RBM17: variants seen among roughly 807,000 people sequenced by gnomAD.
RBM17 encodes splicing factor 45.
A neutral mutation model predicts 53.2 loss-of-function variants in RBM17; 7 were observed. The observed-to-expected ratio is 0.13, with a 90% CI of 0.07 to 0.25. RBM17 has a LOEUF of 0.25. Ranked by LOEUF, RBM17 falls within the 10% of genes least tolerant of loss-of-function variation. The pLI, the probability that RBM17 is intolerant of heterozygous loss-of-function variation, is 1.00. For missense variants in RBM17, 257 were observed against 496.7 expected (o/e 0.52, Z 4.59); for synonymous variants, 167 against 178.1 (o/e 0.94, Z 0.50).
chr10:6,093,199 C>T (rs1208158683), intron 1 of RBM17, among the ~76,000 whole-genome samples: 1 of 152,118 alleles, frequency 6.6e-6, no homozygotes, highest in Non-Finnish European at 1.5e-5. Context: ...CCCAGTGCTG[C>T]CTCTTTGCCT....
rs569161504 is a variant in RBM17, at chr10:6,112,352, A to G, written c.847A>G (p.Thr283Ala). 5.1e-5 allele frequency: 82 copies of G among 1,613,966 alleles called. No individual in the cohort carries two copies. The highest frequency in any genetic ancestry group is 1.6e-4 in the Middle Eastern group (1 of 6,062). The change falls in exon 8 of 12, where the codon ACA (threonine) becomes GCA (alanine). Residue 283 changes from threonine (T) to alanine (A), a missense_variant. Physicochemically the swap from Thr to Ala is moderately conservative, Grantham distance 58. Coordinates refer to ENST00000379888, the MANE Select transcript of RBM17 (RefSeq NM_032905.5). The surrounding 1 kb of genome is among the most constrained non-coding windows in gnomAD (Gnocchi z 4.4). ...CGGCAAGATCATCGTGGGCGACGCC[A>G]CAGAGAAAGGTGTGTCCCCAGGGAA... Reference protein sequence around the residue: ...RGGKIIVGDATEKDASKKSDS... With the variant: ...RGGKIIVGDAAEKDASKKSDS...
intron 7 of RBM17, among the ~76,000 whole-genome samples, chr10:6,111,880 A>AC: frequency 6.6e-6 from 1 of 152,362 alleles, no homozygotes; most frequent in East Asian, 1.9e-4. Flanking sequence ...AACTGTGGTC[A>AC]TAAGCTATGT....
intron 5 of RBM17, 49 bp downstream of exon 5, chr10:6,106,287 C>A: frequency 1.7e-6 from 2 of 1,201,464 alleles, no homozygotes; most frequent in Non-Finnish European, 2.5e-6. Flanking sequence ...ACTGGAAGTG[C>A]AATTCCACTA....
Position 6,110,061 on chromosome 10 carries a change from T to C in RBM17, c.638T>C (p.Val213Ala). The C allele has an allele frequency of 6.2e-7, 1 of 1,613,478 alleles. No homozygotes were observed. Among genetic ancestry groups the C allele is most frequent in the South Asian group, 1.1e-5 (1 of 90,998 alleles). ...TCCAAAGCAGCCATTCCTCCCCCAGTGTACGAGGAACAAGACAGACCGAGA... is the reference window on the plus strand; with the variant it reads ...TCCAAAGCAGCCATTCCTCCCCCAGCGTACGAGGAACAAGACAGACCGAGA... ...QSSKAAIPPP[V>A]YEEQDRPRSP... is the part of the protein sequence containing the mutation. Residue 213 changes from valine (V) to alanine (A), a missense_variant, in exon 7 of 12, where the codon GTG becomes GCG. Val to Ala is a moderately conservative substitution (Grantham distance 64). Around this residue, in one of 6 missense-constraint regions of RBM17, gnomAD observed 68 missense variants for 60.0 expected, o/e 1.13. Coordinates refer to ENST00000379888, the MANE Select transcript of RBM17 (RefSeq NM_032905.5).
rs546368048 is a variant in RBM17 at position 6,114,876 on chromosome 10, T to G, written c.1030-363T>G. 3.3e-5 allele frequency: 7 copies of G among 211,020 alleles called. 1 individual carries two copies. The South Asian group carries it at 6.9e-4, about 21-fold the overall frequency. 13.1% of individuals were successfully genotyped at this position (211,020 alleles called of 1,614,324 possible). On this transcript the variant is annotated intron_variant, in intron 10 of 11. Transcript: ENST00000379888. ...GAGCTAGTCAAAATGAGACCTGATG[T>G]GAAAGGCCACTAGGGCACCAGCCTT...
At chr10:6,103,589 G>A (rs1164036900) in intron 3 of RBM17, among the ~76,000 whole-genome samples, 1 of 152,170 alleles carries the variant, frequency 6.6e-6, no homozygotes, top group Non-Finnish European at 1.5e-5. Context: ...GAATACAAAT[G>A]TATAACTAAC....
Position 6,117,345 on chromosome 10 carries a change from AAGTTAGTACTTGAGAAATTTGAAATT to A in RBM17, c.*1791_*1816del, listed in dbSNP as rs1564571288. On this transcript the variant is annotated 3_prime_UTR_variant, in exon 12 of 12. Transcript: ENST00000379888. ...GTCGAATAATTTCTAAATCTCCTGCAAGTTAGTACTTGAGAAATTTGAAATTAATTTTCAATATTAACATTTAAGCT... is the reference window on the plus strand; with the variant it reads ...GTCGAATAATTTCTAAATCTCCTGCAAATTTTCAATATTAACATTTAAGCT... The A allele has an allele frequency of 6.6e-6, 1 of 152,200 alleles. No individual in the cohort carries two copies. Among genetic ancestry groups the A allele is most frequent in the African/African-American group, 2.4e-5 (1 of 41,436 alleles). The allele number at this position is 152,200 out of a possible 1,614,324, so 9.4% of individuals were successfully genotyped here.
At chr10:6,097,222 C>A in intron 2 of RBM17, 34 bp downstream of exon 2, 1 of 1,602,692 alleles carries the variant, frequency 6.2e-7, no homozygotes, top group African/African-American at 1.3e-5. Context: ...GAGCAGAGGC[C>A]TCCAGAGTGG....
rs77712162 is a variant in RBM17 at position 6,096,624 on chromosome 10, A to T, written c.-18-424A>T. Among the ~76,000 whole-genome samples the T allele has an allele frequency of 8.9e-3, 1,360 of 152,148 alleles. 13 individuals carry two copies. Among genetic ancestry groups the T allele is most frequent in the South Asian group, 0.026 (126 of 4,828 alleles). On this transcript the variant is annotated intron_variant, in intron 1 of 11. Transcript: ENST00000379888. ...TTTTTTTCCCTAGGAGTACGTTTAA[A>T]TTTTTTCTTTATAAAAGGGTAGCTA...
intron 2 of RBM17, 107 bp from the exon 3 acceptor site, chr10:6,101,164 A>T: frequency 3.7e-6 from 2 of 537,142 alleles, no homozygotes; most frequent in Non-Finnish European, 6.5e-6. Context: ...TGGTTTTCTC[A>T]TATCTCAAAG....
intron 5 of RBM17, chr10:6,108,423 T>C (rs1482132153): frequency 1.5e-5 from 7 of 461,996 alleles, no homozygotes. Flanking sequence ...TTAAAATTCA[T>C]TTGCAGACTA....
At chr10:6,097,380 C>T (rs374121952) in intron 2 of RBM17, among the ~76,000 whole-genome samples, 192 bp downstream of exon 2, 3 of 152,160 alleles carry the variant, frequency 2.0e-5, no homozygotes, top group South Asian at 2.1e-4. Flanking sequence ...AGGAACATTT[C>T]GTGGGGTAGG....
At chr10:6,111,261 G>A (rs998343598) in intron 7 of RBM17, among the ~76,000 whole-genome samples, 1 of 152,258 alleles carries the variant, frequency 6.6e-6, no homozygotes, top group African/African-American at 2.4e-5. Flanking sequence ...CGCAGTGTGA[G>A]AGCCATTTGG....
In RBM17 at chr10:6,104,943, A is replaced by G. The variant is rs762783739; in HGVS notation, c.253A>G (p.Ser85Gly). 6.2e-6 allele frequency: 10 copies of G among 1,613,714 alleles called. No individual in the cohort carries two copies. The African/African-American group carries it at 1.2e-4, about 19-fold the overall frequency. Reference protein sequence around the residue: ...VAAGLKDPVPSGFSAGEVLIP... With the variant: ...VAAGLKDPVPGGFSAGEVLIP... ...TTACCTTCCTCAGGATCCTGTTCCC[A>G]GTGGGTTTTCTGCAGGGGAAGTTCT... The change falls in exon 4 of 12, where the codon AGT becomes GGT. Residue 85 changes from serine to glycine, a missense_variant. Coordinates refer to ENST00000379888, the MANE Select transcript of RBM17 (RefSeq NM_032905.5).
chr10:6,095,427 G>C (rs1487932248), intron 1 of RBM17, among the ~76,000 whole-genome samples: 2 of 152,066 alleles, frequency 1.3e-5, no homozygotes, highest in Non-Finnish European at 2.9e-5. Flanking sequence ...TGGCCAGGCT[G>C]ATCTCTTAAC....
rs1352559787 is a variant in RBM17, at chr10:6,117,258, C to CT, written c.*1706dup. On this transcript the variant is annotated 3_prime_UTR_variant, in exon 12 of 12. Coordinates refer to ENST00000379888, the MANE Select transcript of RBM17 (RefSeq NM_032905.5). ...CTTGGTGTGTGCCTTTCTCCCCAGTCTTTTATTTTTAAAATAACTGTGTTA... is the reference window on the plus strand; with the variant it reads ...CTTGGTGTGTGCCTTTCTCCCCAGTCTTTTTATTTTTAAAATAACTGTGTTA... 6 of 152,198 alleles carry CT rather than the reference C, an allele frequency of 3.9e-5. No homozygotes were observed. Among genetic ancestry groups the CT allele is most frequent in the Non-Finnish European group, 8.8e-5 (6 of 68,006 alleles). 9.4% of individuals were successfully genotyped at this position (152,198 alleles called of 1,614,324 possible).
chr10:6,091,029 A>ATTTATATGTT (rs1840475949), intron 1 of RBM17, among the ~76,000 whole-genome samples: 1 of 141,726 alleles, frequency 7.1e-6, no homozygotes. Flanking sequence ...ATTTATATAT[A>ATTTATATGTT]TTTATATATT....
chr10:6,109,908 A>C (rs1840811847), intron 6 of RBM17, 78 bp from the exon 7 acceptor site: 1 of 1,210,596 alleles, frequency 8.3e-7, no homozygotes. Flanking sequence ...TTTGTTCAAG[A>C]TAAATAATTG....
chr10:6,106,374 A>G (rs1840748633), intron 5 of RBM17, 136 bp downstream of exon 5: 2 of 626,482 alleles, frequency 3.2e-6, no homozygotes, highest in Non-Finnish European at 5.7e-6. Flanking sequence ...AATCCCAGCA[A>G]TACACATTTG....
Sources: gnomAD v4.1 joint callset for allele counts (sites outside exome capture counted in the v4.1 genomes callset) on GRCh38, gnomAD v4.1.1 for gene constraint, gnomAD v4.1.1 regional missense constraint, Gnocchi (gnomAD v3.1) non-coding constraint, MANE v1.5 for transcripts, NCBI Gene and HGNC (gene_info 2026-07-23, HGNC 2026-07-21) for gene names.